PRELID2: variants seen among roughly 807,000 people sequenced by gnomAD.
PRELID2 encodes the protein PRELI domain-containing protein 2.
A neutral mutation model predicts 28.4 loss-of-function variants in PRELID2; 25 were observed. The observed-to-expected ratio is 0.88, with a 90% CI of 0.64 to 1.23. The LOEUF is 1.23. Among genes scored for constraint, PRELID2 ranks in the 50% most tolerant of loss-of-function variants. The probability of loss-of-function intolerance (pLI) is 0.00; values close to 1 mark genes in which losing one functional copy is unlikely to be tolerated. For synonymous variants in PRELID2, 76 were observed against 71.6 expected, an observed-to-expected ratio of 1.06 and a Z score of -0.31; for missense variants, 201 against 214.4, an observed-to-expected ratio of 0.94 and a Z score of 0.39.
At chr5:145,577,674 C>T (rs1176443515) in intron 1 of PRELID2, among the ~76,000 whole-genome samples, 3 of 152,010 alleles carry the variant, frequency 2.0e-5, no homozygotes, top group African/African-American at 7.3e-5. Context: ...AATAAAAGGT[C>T]TCCAATAGAT....
intron 1 of PRELID2, among the ~76,000 whole-genome samples, chr5:145,520,997 G>A (rs1343040442): frequency 2.0e-5 from 3 of 151,930 alleles, no homozygotes; most frequent in Non-Finnish European, 2.9e-5. Context: ...TCCCCACCCC[G>A]CTATATCCCA....
intron 5 of PRELID2, among the ~76,000 whole-genome samples, chr5:145,782,983 G>C (rs1032446389): frequency 6.6e-6 from 1 of 152,230 alleles, no homozygotes; most frequent in African/African-American, 2.4e-5. Flanking sequence ...AGCCCTCAGA[G>C]AGCGGCCAAG....
chr5:145,669,964 A>T (rs1264501562), intron 1 of PRELID2, among the ~76,000 whole-genome samples: 1 of 152,114 alleles, frequency 6.6e-6, no homozygotes, highest in Non-Finnish European at 1.5e-5. Context: ...ACTCAGCGTG[A>T]ACTATTATAC....
At chr5:145,585,116 T>C (rs1324138432) in intron 1 of PRELID2, among the ~76,000 whole-genome samples, 4 of 152,116 alleles carry the variant, frequency 2.6e-5, no homozygotes, top group Non-Finnish European at 5.9e-5. Context: ...TAAAAAGGAA[T>C]GTGATCAAGT....
chr5:145,654,753 A>C (rs555043768), intron 1 of PRELID2, among the ~76,000 whole-genome samples: 1 of 152,162 alleles, frequency 6.6e-6, no homozygotes, highest in Non-Finnish European at 1.5e-5. Context: ...GTATCTCAAA[A>C]TAATAAGAGC....
In PRELID2 at chr5:145,740,857, C is replaced by CAAAT. The variant is rs1581122449; in HGVS notation, n.70+24073_70+24074insATTT. Among the ~76,000 whole-genome samples, 2 of 32,540 alleles carry CAAAT rather than the reference C, an allele frequency of 6.1e-5. 1 individual carries two copies. The highest frequency in any genetic ancestry group is 3.0e-3 in the East Asian group (2 of 664). The allele number at this position is 32,540 out of a possible 152,430, so 21.3% of individuals were successfully genotyped here. ...ATATTTATCGATAAATATATATGTA[C>CAAAT]ATATATTTATCGATAAATATATATG... On this transcript the variant is annotated intron_variant and non_coding_transcript_variant, in intron 1 of 2. Transcript: ENST00000510259.
chr5:145,581,323 A>G (rs1159891616), intron 1 of PRELID2, among the ~76,000 whole-genome samples: 2 of 152,022 alleles, frequency 1.3e-5, no homozygotes, highest in African/African-American at 4.8e-5. Flanking sequence ...GCCACACCAT[A>G]AGCCTAAAGT....
At chr5:145,724,822 T>C (rs908959722) in intron 1 of PRELID2, among the ~76,000 whole-genome samples, 4 of 149,722 alleles carry the variant, frequency 2.7e-5, no homozygotes, top group Admixed American at 6.7e-5. Flanking sequence ...TGGTACACCA[T>C]AGCCTTGACC....
chr5:145,825,232 A>C (rs1016244901), intron 1 of PRELID2, among the ~76,000 whole-genome samples: 5 of 85,468 alleles, frequency 5.9e-5, no homozygotes, highest in African/African-American at 2.9e-4. Context: ...TCTCAAAAAA[A>C]AAAAAAAAAA....
chr5:145,663,270 G>A (rs997132506), intron 1 of PRELID2, among the ~76,000 whole-genome samples: 4 of 152,102 alleles, frequency 2.6e-5, no homozygotes, highest in Admixed American at 2.0e-4. Context: ...TGATCATGGT[G>A]TCCTTTCCTA....
the PRELID2 span, among the ~76,000 whole-genome samples, chr5:145,360,525 C>T: frequency 2.3e-4 from 35 of 152,128 alleles, no homozygotes; most frequent in Non-Finnish European, 4.1e-4. Flanking sequence ...TAGGTTTTGT[C>T]TGGAAAATAA....
At chr5:145,718,956 C>A (rs1020829000) in intron 1 of PRELID2, among the ~76,000 whole-genome samples, 1 of 151,912 alleles carries the variant, frequency 6.6e-6, no homozygotes, top group African/African-American at 2.4e-5. Flanking sequence ...TAAAAGCATA[C>A]ACTATATGGG....
chr5:145,530,021 A>G (rs1166831158), intron 1 of PRELID2, among the ~76,000 whole-genome samples: 1 of 152,132 alleles, frequency 6.6e-6, no homozygotes, highest in Non-Finnish European at 1.5e-5. Context: ...GCACTAGAAT[A>G]TTGCTTTATG....
chr5:145,286,791 A>G, the PRELID2 span, among the ~76,000 whole-genome samples: 313 of 145,670 alleles, frequency 2.1e-3, 2 homozygotes, highest in African/African-American at 7.7e-3. Flanking sequence ...GTGTGATCTC[A>G]GCTCACTGCA....
At chr5:145,724,339 C>T (rs1014675278) in intron 1 of PRELID2, among the ~76,000 whole-genome samples, 2 of 150,776 alleles carry the variant, frequency 1.3e-5, no homozygotes, top group African/African-American at 2.4e-5. Context: ...CAAAATAAAA[C>T]GTTAAAGACA....
chr5:145,480,339 T>C (rs374199064), intron 1 of PRELID2, among the ~76,000 whole-genome samples: 12 of 152,304 alleles, frequency 7.9e-5, no homozygotes, highest in East Asian at 1.9e-4. Flanking sequence ...GTTTTTGTTG[T>C]AATATATTTA....
the PRELID2 span, among the ~76,000 whole-genome samples, chr5:145,417,782 C>T: frequency 2.0e-5 from 3 of 152,122 alleles, no homozygotes; most frequent in African/African-American, 7.2e-5. Flanking sequence ...AAATCCACAG[C>T]CATTATCATA....
chr5:145,309,919 C>G, the PRELID2 span, among the ~76,000 whole-genome samples: 1 of 152,172 alleles, frequency 6.6e-6, no homozygotes, highest in Non-Finnish European at 1.5e-5. Flanking sequence ...CTGACTGGAC[C>G]AACTGGAGTA....
At chr5:145,432,892 T>C in the PRELID2 span, among the ~76,000 whole-genome samples, 2 of 152,064 alleles carry the variant, frequency 1.3e-5, no homozygotes, top group African/African-American at 4.8e-5. Flanking sequence ...CCAATTAAAG[T>C]TCAATGTAGG....
Sources: gnomAD v4.1 joint callset for allele counts (sites outside exome capture counted in the v4.1 genomes callset) on GRCh38, gnomAD v4.1.1 for gene constraint, MANE v1.5 for transcripts, NCBI Gene and HGNC (gene_info 2026-07-23, HGNC 2026-07-21) for gene names.